Variants in CRYBG1 observed in about 807,000 individuals in gnomAD.
CRYBG1 encodes the protein beta/gamma crystallin domain-containing protein 1.
Under a neutral mutation model 189.2 loss-of-function variants are expected in CRYBG1, and 139 were observed. The observed-to-expected ratio is 0.73, with a 90% confidence interval of 0.64 to 0.85. CRYBG1 has a LOEUF of 0.85. CRYBG1 is among the 40% of genes least tolerant of loss of function. The pLI is 0.00. For synonymous variants in CRYBG1, 1,023 were observed against 1,017.1 expected (o/e 1.01, Z -0.11); for missense variants, 2,611 against 2,675.8 (o/e 0.98, Z 0.53).
chr6:106,397,927 G>A (rs1274962325), intron 1 of CRYBG1, among the ~76,000 whole-genome samples: 1 of 152,148 alleles, frequency 6.6e-6, no homozygotes, highest in Admixed American at 6.6e-5. Context: ...GACTATCTCT[G>A]TATCAAATTT....
At chr6:106,509,281 C>T (rs1773195147) in intron 2 of CRYBG1, among the ~76,000 whole-genome samples, 1 of 152,114 alleles carries the variant, frequency 6.6e-6, no homozygotes. Context: ...AGGGCCTGAC[C>T]CATAAGGATA....
intron 1 of CRYBG1, among the ~76,000 whole-genome samples, chr6:106,410,336 G>A (rs565813860): frequency 3.3e-5 from 5 of 152,238 alleles, no homozygotes; most frequent in South Asian, 2.1e-4. Context: ...ACCATCTCAC[G>A]CCAGTTAGAA....
chr6:106,453,521 A>C (rs905416540), intron 2 of CRYBG1, among the ~76,000 whole-genome samples: 2 of 152,186 alleles, frequency 1.3e-5, no homozygotes, highest in South Asian at 2.1e-4. Context: ...GGGAAAAAAA[A>C]CCCTGATAAA....
At chr6:106,449,214 C>T (rs529844468) in intron 1 of CRYBG1, among the ~76,000 whole-genome samples, 5 of 152,032 alleles carry the variant, frequency 3.3e-5, no homozygotes, top group Non-Finnish European at 7.4e-5. Flanking sequence ...TTGGAGTGCC[C>T]GTCTCCGACA....
intron 1 of CRYBG1, among the ~76,000 whole-genome samples, chr6:106,445,284 C>G (rs930028855): frequency 6.6e-6 from 1 of 152,212 alleles, no homozygotes; most frequent in African/African-American, 2.4e-5. Context: ...TCGTGAAACT[C>G]ATCTACTGAG....
intron 4 of CRYBG1, among the ~76,000 whole-genome samples, chr6:106,522,879 A>G (rs1370288565): frequency 6.6e-6 from 1 of 152,206 alleles, no homozygotes; most frequent in Non-Finnish European, 1.5e-5. Flanking sequence ...ATGTGATTTC[A>G]TAAACTTTCA....
chr6:106,561,312 AT>A, intron 19 of CRYBG1, 29 bp from the exon 20 acceptor site: 2 of 1,609,052 alleles, frequency 1.2e-6, no homozygotes, highest in Non-Finnish European at 1.7e-6. Context: ...CACATCTGGT[AT>A]AACAACTGCT....
chr6:106,512,237 A>G lies in CRYBG1; in HGVS notation c.1120A>G (p.Lys374Glu), dbSNP rs1292818607. ...CCCCAAGGGTCACGCCCACCCTGCT[A>G]AGGTGCTAACTTTGGACATCTACTT... The part of the protein sequence containing the change: ...ARPKGHAHPA[K>E]VLTLDIYLSK... The change falls in exon 3 of 22, where the codon AAG (lysine) becomes GAG (glutamate). Residue 374 changes from lysine to glutamate, a missense_variant. Lys to Glu is a moderately conservative substitution (Grantham distance 56). Around this residue, in one of 3 missense-constraint regions of CRYBG1, gnomAD observed 985 missense variants for 924.4 expected, o/e 1.07. Coordinates refer to ENST00000633556, the MANE Select transcript of CRYBG1 (RefSeq NM_001371242.2). 6.5e-7 allele frequency: 1 copy of G among 1,541,194 alleles called. No homozygotes were observed. Among genetic ancestry groups the G allele is most frequent in the Non-Finnish European group, 8.7e-7 (1 of 1,148,340 alleles).
chr6:106,404,828 G>A (rs1770792102), intron 1 of CRYBG1, among the ~76,000 whole-genome samples: 1 of 152,146 alleles, frequency 6.6e-6, no homozygotes, highest in Non-Finnish European at 1.5e-5. Context: ...GGACTGTGCT[G>A]TGAGGAACGG....
At chr6:106,477,909 T>C (rs1367090941) in intron 2 of CRYBG1, among the ~76,000 whole-genome samples, 1 of 152,260 alleles carries the variant, frequency 6.6e-6, no homozygotes, top group African/African-American at 2.4e-5. Context: ...CTGTGACTGC[T>C]TTGGAGGCAT....
chr6:106,410,579 G>T (rs112720420), intron 1 of CRYBG1, among the ~76,000 whole-genome samples: 3 of 152,200 alleles, frequency 2.0e-5, no homozygotes, highest in African/African-American at 7.2e-5. Context: ...GCACACATAT[G>T]TTTATTGCAG....
chr6:106,559,048 G>T (rs1774633642), intron 18 of CRYBG1, among the ~76,000 whole-genome samples: 1 of 152,030 alleles, frequency 6.6e-6, no homozygotes, highest in Non-Finnish European at 1.5e-5. Context: ...TTTTGTAAGG[G>T]TTAATAATTA....
chr6:106,504,693 A>G (rs1773091909), intron 2 of CRYBG1, among the ~76,000 whole-genome samples: 1 of 151,956 alleles, frequency 6.6e-6, no homozygotes, highest in Non-Finnish European at 1.5e-5. Context: ...AACAGGCCAC[A>G]TATATTATCC....
chr6:106,492,949 A>C (rs890058324), intron 2 of CRYBG1, among the ~76,000 whole-genome samples: 1 of 149,786 alleles, frequency 6.7e-6, no homozygotes, highest in African/African-American at 2.5e-5. Context: ...TCTTTTCACA[A>C]ATTAACCTTT....
intron 1 of CRYBG1, among the ~76,000 whole-genome samples, chr6:106,438,892 TA>T (rs1483793991): frequency 1.3e-5 from 2 of 152,106 alleles, no homozygotes; most frequent in Non-Finnish European, 2.9e-5. Context: ...TTGTAACTGT[TA>T]AATTTGGTAA....
chr6:106,473,033 C>T (rs1047109509), intron 2 of CRYBG1, among the ~76,000 whole-genome samples: 3 of 152,102 alleles, frequency 2.0e-5, no homozygotes, highest in African/African-American at 7.2e-5. Flanking sequence ...TTTGTCAGCA[C>T]GTACCTTTTC....
intron 1 of CRYBG1, among the ~76,000 whole-genome samples, chr6:106,368,323 G>A (rs1338461616): frequency 1.3e-5 from 2 of 152,072 alleles, no homozygotes; most frequent in Admixed American, 6.5e-5. Context: ...GTTCAGCTAA[G>A]GGGTCAGTTA....
intron 1 of CRYBG1, among the ~76,000 whole-genome samples, chr6:106,368,304 A>G (rs894105288): frequency 1.3e-5 from 2 of 152,070 alleles, no homozygotes; most frequent in Non-Finnish European, 2.9e-5. Flanking sequence ...CATCTGTCTT[A>G]AAGTTTGAGT....
chr6:106,445,607 T>C (rs112723441), intron 1 of CRYBG1, among the ~76,000 whole-genome samples: 56 of 152,352 alleles, frequency 3.7e-4, no homozygotes, highest in Non-Finnish European at 7.5e-4. Context: ...ACCTACTATA[T>C]GGCAGTACTA....
Sources: allele counts gnomAD v4.1 joint callset (sites outside exome capture counted in the v4.1 genomes callset), GRCh38; gene constraint gnomAD v4.1.1; regional missense constraint gnomAD v4.1.1; transcripts MANE v1.5; gene names NCBI Gene and HGNC (gene_info 2026-07-23, HGNC 2026-07-21).